KCNT2: variants seen among roughly 807,000 people sequenced by gnomAD.
KCNT2 encodes the protein potassium sodium-activated channel subfamily T member 2, also known as potassium channel subfamily T member 2.
Under a neutral mutation model 153.8 loss-of-function variants are expected in KCNT2, and 67 were observed. The observed-to-expected ratio is 0.44, with a 90% CI of 0.36 to 0.53. The LOEUF is 0.53. Among genes scored for constraint, KCNT2 ranks in the 20% least tolerant of loss-of-function variants. The probability of loss-of-function intolerance (pLI) is 0.00; values close to 1 mark genes in which losing one functional copy is unlikely to be tolerated. For synonymous variants in KCNT2, 500 were observed against 458.8 expected (o/e 1.09, Z -1.15); for missense variants, 975 against 1,354.8 (o/e 0.72, Z 4.40).
At chr1:196,606,918 CACTTT>C (rs1665384932) in intron 1 of KCNT2, among the ~76,000 whole-genome samples, 1 of 152,164 alleles carries the variant, frequency 6.6e-6, no homozygotes, top group African/African-American at 2.4e-5. Flanking sequence ...TTTACCCAAA[CACTTT>C]ACAAGAATAC....
At chr1:196,271,751 C>G (rs1658084350) in intron 25 of KCNT2, among the ~76,000 whole-genome samples, 1 of 151,830 alleles carries the variant, frequency 6.6e-6, no homozygotes, top group Non-Finnish European at 1.5e-5. Context: ...TTGTGTGTGC[C>G]TATCTGTGAA....
chr1:196,460,217 TA>T (rs1200948786), intron 8 of KCNT2, among the ~76,000 whole-genome samples: 1 of 151,820 alleles, frequency 6.6e-6, no homozygotes, highest in Non-Finnish European at 1.5e-5. Context: ...TTTTTTAAAT[TA>T]AAAAGTTGCA....
At chr1:196,540,658 A>G (rs1285140573) in intron 1 of KCNT2, among the ~76,000 whole-genome samples, 3 of 152,230 alleles carry the variant, frequency 2.0e-5, no homozygotes, top group Non-Finnish European at 1.5e-5. Context: ...TCTACACAGA[A>G]TCATAAAAAC....
chr1:196,340,360 A>G lies in KCNT2; in HGVS notation c.1764T>C (p.His588=), dbSNP rs780698809. The G allele has an allele frequency of 1.2e-6, 2 of 1,604,686 alleles. No individual in the cohort carries two copies. Among genetic ancestry groups the G allele is most frequent in the Non-Finnish European group, 1.7e-6 (2 of 1,173,520 alleles). Residue 588 remains histidine (H), a synonymous_variant, in exon 16 of 28, where the codon CAT becomes CAC. Coordinates refer to ENST00000294725, the MANE Select transcript of KCNT2 (RefSeq NM_198503.5). ...ACTTACCCATGCTGGCAATTATGCT[A>G]TGTACAGGTAATCTGGAAGGTCCAT... The part of the protein sequence containing the change: ...FYHGPSRLPV[H]SIIASMGTVA...
chr1:196,464,498 T>A (rs1454139456), intron 8 of KCNT2, among the ~76,000 whole-genome samples: 1 of 151,934 alleles, frequency 6.6e-6, no homozygotes, highest in Non-Finnish European at 1.5e-5. Context: ...CCTAGCTCAG[T>A]TGTACTAGTG....
chr1:196,256,375 C>G (rs1656496393), intron 26 of KCNT2, among the ~76,000 whole-genome samples: 1 of 151,872 alleles, frequency 6.6e-6, no homozygotes, highest in Non-Finnish European at 1.5e-5. Flanking sequence ...AAGCTGTGGT[C>G]CATGACAGCA....
chr1:196,238,105 A>C (rs1447685852), intron 26 of KCNT2, among the ~76,000 whole-genome samples: 2 of 151,926 alleles, frequency 1.3e-5, no homozygotes, highest in Non-Finnish European at 2.9e-5. Context: ...ATGAACAATG[A>C]CATTATTGAA....
In KCNT2 at chr1:196,425,908, T is replaced by A; in HGVS notation, c.1065A>T (p.Gln355His). The A allele has an allele frequency of 6.2e-7, 1 of 1,612,592 alleles. No homozygotes were observed. Among genetic ancestry groups the A allele is most frequent in the Non-Finnish European group, 8.5e-7 (1 of 1,179,050 alleles). The change falls in exon 11 of 28, where the codon CAA (glutamine) becomes CAT (histidine). Residue 355 changes from glutamine (Q) to histidine (H), a missense_variant. Transcript: ENST00000294725. The part of the protein sequence containing the change: ...RRVLQIPMWS[Q>H]RVIYLQGSAL... ...CTGAACCTTGAAGGTAGATAACTCG[T>A]TGGGACCACATTGGAATCTGCAGTA...
intron 1 of KCNT2, among the ~76,000 whole-genome samples, chr1:196,567,392 C>T (rs955133045): frequency 2.0e-5 from 3 of 152,174 alleles, no homozygotes; most frequent in African/African-American, 7.2e-5. Flanking sequence ...CTTCTGATCA[C>T]ATTGCATTTA....
chr1:196,541,010 G>A (rs1000528912), intron 1 of KCNT2, among the ~76,000 whole-genome samples: 2 of 151,978 alleles, frequency 1.3e-5, no homozygotes, highest in Non-Finnish European at 1.5e-5. Flanking sequence ...AGGTTGCAGT[G>A]AGCCGAGATC....
intron 22 of KCNT2, among the ~76,000 whole-genome samples, chr1:196,301,587 C>T (rs943007395): frequency 4.6e-5 from 7 of 152,064 alleles, no homozygotes; most frequent in African/African-American, 7.2e-5. Context: ...AAAGCTTAAT[C>T]GTCACAAAAG....
At chr1:196,430,378 ATCTCTCTCTCTCTC>A (rs71154742) in intron 8 of KCNT2, among the ~76,000 whole-genome samples, 4 of 144,488 alleles carry the variant, frequency 2.8e-5, no homozygotes, top group East Asian at 2.1e-4. Context: ...CACAAGATCG[ATCTCTCTCTCTCTC>A]TCTCTCTCTC....
intron 1 of KCNT2, among the ~76,000 whole-genome samples, chr1:196,535,448 AT>A (rs1407472534): frequency 2.0e-5 from 3 of 152,260 alleles, no homozygotes; most frequent in Admixed American, 2.0e-4. Context: ...AATAATGACA[AT>A]TGAAAATCAC....
chr1:196,499,572 G>A (rs1329772005), intron 1 of KCNT2, among the ~76,000 whole-genome samples: 1 of 152,172 alleles, frequency 6.6e-6, no homozygotes, highest in African/African-American at 2.4e-5. Flanking sequence ...TGGTAGGAGA[G>A]ATAAAATCAT....
chr1:196,457,522 C>CAAAAAAAA (rs1179613680), intron 8 of KCNT2, among the ~76,000 whole-genome samples: 1 of 76,616 alleles, frequency 1.3e-5, no homozygotes, highest in Non-Finnish European at 2.6e-5. Context: ...TAAAGCTTAC[C>CAAAAAAAA]AAAAAAAAAA....
At chr1:196,424,050 C>T (rs1054497301) in intron 11 of KCNT2, among the ~76,000 whole-genome samples, 2 of 151,956 alleles carry the variant, frequency 1.3e-5, no homozygotes, top group Middle Eastern at 3.4e-3. Flanking sequence ...CTGCGTCACT[C>T]TAACTTGTTT....
At chr1:196,356,897 C>A (rs1667219033) in intron 14 of KCNT2, among the ~76,000 whole-genome samples, 1 of 151,690 alleles carries the variant, frequency 6.6e-6, no homozygotes, top group Non-Finnish European at 1.5e-5. Flanking sequence ...AATGCTGACA[C>A]CATGTTGGCA....
At chr1:196,317,095 G>A (rs942630325) in intron 20 of KCNT2, 6 of 244,178 alleles carry the variant, frequency 2.5e-5, no homozygotes, top group African/African-American at 4.6e-5. Flanking sequence ...GCCATGTCAC[G>A]TTAGAGGGAA....
At chr1:196,546,644 T>C (rs565469518) in intron 1 of KCNT2, among the ~76,000 whole-genome samples, 5 of 152,098 alleles carry the variant, frequency 3.3e-5, no homozygotes, top group East Asian at 1.9e-4. Flanking sequence ...TAATGAGTGA[T>C]GAAATCTCCC....
Sources: allele counts gnomAD v4.1 joint callset (sites outside exome capture counted in the v4.1 genomes callset), GRCh38; gene constraint gnomAD v4.1.1; transcripts MANE v1.5; gene names NCBI Gene and HGNC (gene_info 2026-07-23, HGNC 2026-07-21).